The following RASSF3 variants were observed in gnomAD, a reference collection of about 807,000 sequenced individuals.
RASSF3 encodes the protein Ras association domain family member 3, also known as ras association domain-containing protein 3.
Under a neutral mutation model 19.9 loss-of-function variants are expected in RASSF3, and 19 were observed. That is an observed-to-expected ratio of 0.96 (90% confidence interval 0.67 to 1.40). The LOEUF is 1.40. Ranked by LOEUF, RASSF3 falls within the 40% of genes most tolerant of loss-of-function variation. The probability of loss-of-function intolerance (pLI) is 0.00; values close to 1 mark genes in which losing one functional copy is unlikely to be tolerated. For synonymous variants in RASSF3, 110 were observed against 104.2 expected (o/e 1.06, Z -0.34); for missense variants, 306 against 289.8 (o/e 1.06, Z -0.41).
chr12:64,622,430 AC>A, intron 1 of RASSF3: 1 of 517,486 alleles, frequency 1.9e-6, no homozygotes, highest in Non-Finnish European at 3.9e-6. Flanking sequence ...TGGAAACCTT[AC>A]CCACCAAAGA....
intron 1 of RASSF3, among the ~76,000 whole-genome samples, chr12:64,535,423 G>A (rs781627322): frequency 6.6e-6 from 1 of 152,040 alleles, no homozygotes; most frequent in African/African-American, 2.4e-5. Context: ...GGAGTGCAGT[G>A]GTGCAATCAT....
chr12:64,530,022 G>T (rs750823078), upstream of RASSF3, among the ~76,000 whole-genome samples: 1 of 151,978 alleles, frequency 6.6e-6, no homozygotes, highest in South Asian at 2.1e-4. Flanking sequence ...TTGTAACCCC[G>T]GAAGTCATCA....
chr12:64,582,544 CAA>C (rs1161233497), intron 2 of RASSF3, among the ~76,000 whole-genome samples: 1 of 152,152 alleles, frequency 6.6e-6, no homozygotes, highest in African/African-American at 2.4e-5. Flanking sequence ...AGATTGGAAA[CAA>C]AGTCTCGTCA....
At chr12:64,507,357 T>C in intron 1 of RASSF3, 1 of 398,296 alleles carries the variant, frequency 2.5e-6, no homozygotes, top group Non-Finnish European at 4.4e-6. Flanking sequence ...AATGCCTTAT[T>C]TCAAATCCGT....
At chr12:64,563,029 C>G (rs1329972803) in intron 2 of RASSF3, among the ~76,000 whole-genome samples, 3 of 152,146 alleles carry the variant, frequency 2.0e-5, no homozygotes, top group African/African-American at 4.8e-5. Context: ...CTCTCTATGC[C>G]CACAGCTACT....
intron 1 of RASSF3, among the ~76,000 whole-genome samples, chr12:64,678,359 T>C (rs917316599): frequency 6.6e-6 from 1 of 152,188 alleles, no homozygotes; most frequent in African/African-American, 2.4e-5. Context: ...TTTCAGAATC[T>C]AGCCTCACTT....
In RASSF3 at chr12:64,658,526, G is replaced by A. The variant is rs139750417; in HGVS notation, c.112-26261G>A. Among the ~76,000 whole-genome samples, 13 of 152,336 alleles carry A rather than the reference G, an allele frequency of 8.5e-5. 1 individual carries two copies. Among genetic ancestry groups the A allele is most frequent in the Non-Finnish European group, 1.6e-4 (11 of 68,028 alleles). The stretch of plus-strand genomic sequence containing the variant: ...ATTTAATAAGAAGGAATTACGGCAG[G>A]CACAGTGGCTCATGCCTGTAACCCC... On this transcript the variant is annotated intron_variant, in intron 1 of 4. Transcript: ENST00000542104.
chr12:64,512,922 T>G (rs1304406949), intron 1 of RASSF3, among the ~76,000 whole-genome samples: 2 of 152,112 alleles, frequency 1.3e-5, no homozygotes, highest in Non-Finnish European at 2.9e-5. Flanking sequence ...TGGCTGATGG[T>G]TAGTCAAAAC....
chr12:64,661,840 C>G (rs1872375567), intron 1 of RASSF3, among the ~76,000 whole-genome samples: 1 of 151,634 alleles, frequency 6.6e-6, no homozygotes, highest in Non-Finnish European at 1.5e-5. Flanking sequence ...ACCACCACGC[C>G]TGGCTAATTT....
chr12:64,548,382 G>T (rs1339276041), intron 2 of RASSF3, among the ~76,000 whole-genome samples: 1 of 151,742 alleles, frequency 6.6e-6, no homozygotes, highest in African/African-American at 2.4e-5. Flanking sequence ...TAGAGAAGAG[G>T]TCTCACCATC....
chr12:64,669,890 CAAAAAA>C (rs35671310), intron 1 of RASSF3, among the ~76,000 whole-genome samples: 3 of 106,700 alleles, frequency 2.8e-5, no homozygotes, highest in East Asian at 5.8e-4. Flanking sequence ...TGTAAATTAC[CAAAAAA>C]AAAAAAAAAA....
intron 2 of RASSF3, among the ~76,000 whole-genome samples, chr12:64,564,994 T>C (rs908174677): frequency 6.6e-6 from 1 of 151,516 alleles, no homozygotes; most frequent in Non-Finnish European, 1.5e-5. Flanking sequence ...TTGGCCAGGA[T>C]GGTCTCGAAC....
At chr12:64,551,365 A>G (rs1156309564) in intron 2 of RASSF3, among the ~76,000 whole-genome samples, 5 of 152,162 alleles carry the variant, frequency 3.3e-5, no homozygotes, top group Non-Finnish European at 7.3e-5. Context: ...ACTTGAGCCC[A>G]GGAGTTTGAG....
At chr12:64,571,867 GC>G (rs1177950624) in intron 2 of RASSF3, among the ~76,000 whole-genome samples, 1 of 152,190 alleles carries the variant, frequency 6.6e-6, no homozygotes, top group Non-Finnish European at 1.5e-5. Flanking sequence ...AGTAAGGCTT[GC>G]TGGTATAGAC....
intron 2 of RASSF3, among the ~76,000 whole-genome samples, chr12:64,603,792 C>T (rs1391663511): frequency 6.6e-6 from 1 of 152,168 alleles, no homozygotes; most frequent in Non-Finnish European, 1.5e-5. Flanking sequence ...AGATAATATG[C>T]TGTGGGTCAC....
At chr12:64,555,681 G>A (rs1329675652) in intron 2 of RASSF3, among the ~76,000 whole-genome samples, 8 of 151,858 alleles carry the variant, frequency 5.3e-5, no homozygotes, top group South Asian at 2.1e-4. Context: ...GCCAGGAGGC[G>A]GAGCTTGCAG....
At chr12:64,565,884 GAAAA>G (rs35479688) in intron 2 of RASSF3, among the ~76,000 whole-genome samples, 1 of 126,656 alleles carries the variant, frequency 7.9e-6, no homozygotes, top group Non-Finnish European at 1.6e-5. Context: ...CTTCGTCTCA[GAAAA>G]AAAAAAAAAA....
At chr12:64,649,091 G>A (rs1211378281) in intron 1 of RASSF3, among the ~76,000 whole-genome samples, 1 of 151,658 alleles carries the variant, frequency 6.6e-6, no homozygotes, top group East Asian at 1.9e-4. Context: ...TTAAAGTAAA[G>A]GAATGAGTCC....
chr12:64,655,432 A>G (rs1223310629), intron 1 of RASSF3, among the ~76,000 whole-genome samples: 1 of 152,184 alleles, frequency 6.6e-6, no homozygotes, highest in East Asian at 1.9e-4. Flanking sequence ...GATGTCCTAA[A>G]GGAGAGCCCT....
Sources: allele counts gnomAD v4.1 joint callset (sites outside exome capture counted in the v4.1 genomes callset), GRCh38; gene constraint gnomAD v4.1.1; transcripts MANE v1.5; gene names NCBI Gene and HGNC (gene_info 2026-07-23, HGNC 2026-07-21).